The following CDH18 variants were observed in gnomAD, a reference collection of about 807,000 sequenced individuals.
CDH18 encodes cadherin-18.
CDH18 carries 31 observed loss-of-function variants against 67.9 expected under a neutral mutation model. That is an observed-to-expected ratio of 0.46 (90% CI 0.34 to 0.62). The LOEUF (loss-of-function observed/expected upper bound fraction) is 0.62. Ranked by LOEUF, CDH18 falls within the 20% of genes least tolerant of loss-of-function variation. The pLI is 0.01. For synonymous variants in CDH18, 362 were observed against 347.2 expected (o/e 1.04, Z -0.48); for missense variants, 890 against 975.5 (o/e 0.91, Z 1.17).
chr5:20,231,518 G>A, intron 2 of CDH18, among the ~76,000 whole-genome samples: 1 of 151,908 alleles, frequency 6.6e-6, no homozygotes, highest in Admixed American at 6.6e-5. Flanking sequence ...AGAATCTCTT[G>A]AACCCGGGAG....
At chr5:20,363,284 A>G (rs1742238047) in intron 1 of CDH18, among the ~76,000 whole-genome samples, 1 of 152,006 alleles carries the variant, frequency 6.6e-6, no homozygotes, top group Admixed American at 6.6e-5. Flanking sequence ...CAGGAGCTCA[A>G]GACCAGCCTG....
At chr5:19,924,731 A>G (rs1246530700) in intron 2 of CDH18, among the ~76,000 whole-genome samples, 1 of 152,212 alleles carries the variant, frequency 6.6e-6, no homozygotes, top group Non-Finnish European at 1.5e-5. Context: ...GAATTCTATG[A>G]AGTAGACAGG....
intron 2 of CDH18, among the ~76,000 whole-genome samples, chr5:19,907,270 A>G (rs1021881224): frequency 6.6e-6 from 1 of 151,968 alleles, no homozygotes; most frequent in South Asian, 2.1e-4. Flanking sequence ...GTCAAAAATC[A>G]TAGTATAGGT....
At chr5:20,091,545 G>A (rs1487937655) in intron 2 of CDH18, among the ~76,000 whole-genome samples, 2 of 151,954 alleles carry the variant, frequency 1.3e-5, no homozygotes, top group Non-Finnish European at 2.9e-5. Flanking sequence ...ATCTCTAAAA[G>A]CACTTTAAGT....
At chr5:20,573,952 T>TTA (rs200908028) in intron 1 of CDH18, among the ~76,000 whole-genome samples, 3,593 of 145,610 alleles carry the variant, frequency 0.025, 170 homozygotes, top group African/African-American at 0.083. Flanking sequence ...TTTAAGTATT[T>TTA]TATATATATA....
intron 6 of CDH18, among the ~76,000 whole-genome samples, chr5:19,594,831 A>G (rs2150042608): frequency 6.6e-6 from 1 of 152,292 alleles, no homozygotes; most frequent in Middle Eastern, 3.4e-3. Context: ...GCAACTGATA[A>G]CATTATATAC....
At chr5:19,830,100 T>C (rs1780849320) in intron 3 of CDH18, among the ~76,000 whole-genome samples, 1 of 152,176 alleles carries the variant, frequency 6.6e-6, no homozygotes, top group Admixed American at 6.5e-5. Context: ...GAAGATGACC[T>C]AAGAAATATC....
intron 1 of CDH18, among the ~76,000 whole-genome samples, chr5:20,467,998 T>TATTTATG (rs1751771701): frequency 5.9e-5 from 7 of 118,158 alleles, no homozygotes; most frequent in East Asian, 2.5e-4. Flanking sequence ...ATTTATGTAT[T>TATTTATG]TATTTATGTA....
intron 2 of CDH18, among the ~76,000 whole-genome samples, chr5:19,892,418 A>T (rs1788870398): frequency 6.6e-6 from 1 of 152,164 alleles, no homozygotes; most frequent in Admixed American, 6.6e-5. Context: ...GTAGGGCATC[A>T]ACTTTGTAAT....
At chr5:20,340,523 C>T (rs1036465440) in intron 1 of CDH18, among the ~76,000 whole-genome samples, 17 of 152,152 alleles carry the variant, frequency 1.1e-4, no homozygotes, top group African/African-American at 2.7e-4. Flanking sequence ...GTCTCCTTGA[C>T]GCTGTCCAGC....
intron 5 of CDH18, among the ~76,000 whole-genome samples, chr5:19,715,639 A>C (rs949530021): frequency 3.3e-5 from 5 of 152,158 alleles, no homozygotes; most frequent in Non-Finnish European, 7.3e-5. Context: ...GTTTGGAAAG[A>C]ATTTAATCGC....
intron 3 of CDH18, among the ~76,000 whole-genome samples, chr5:19,778,271 C>T (rs753227506): frequency 6.2e-4 from 95 of 152,250 alleles, no homozygotes; most frequent in Admixed American, 4.4e-3. Flanking sequence ...CTTCCCTCCC[C>T]GCAGCCAATA....
upstream of CDH18, among the ~76,000 whole-genome samples, chr5:19,988,772 C>A (rs1419373870): frequency 6.6e-6 from 1 of 152,114 alleles, no homozygotes; most frequent in Non-Finnish European, 1.5e-5. Context: ...ACTGCTGGCT[C>A]ATTCATCAGT....
intron 2 of CDH18, among the ~76,000 whole-genome samples, chr5:20,088,802 A>G (rs1244910685): frequency 6.6e-6 from 1 of 152,206 alleles, no homozygotes; most frequent in Non-Finnish European, 1.5e-5. Context: ...AACAAGGAAC[A>G]TTCAAGAGGT....
Position 20,563,361 on chromosome 5 carries a change from T to G in CDH18, c.-580+12101A>C, listed in dbSNP as rs143218419. On this transcript the variant is annotated intron_variant, in intron 1 of 14. Coordinates refer to the CDH18 transcript ENST00000507958. ...CAATTGTTTCTTGTGTGATCAGCATTTTGAAGCACAGTTTCAAGCTTAACA... is the reference window on the plus strand; with the variant it reads ...CAATTGTTTCTTGTGTGATCAGCATGTTGAAGCACAGTTTCAAGCTTAACA... Among the ~76,000 whole-genome samples, 191 of 152,204 alleles carry G rather than the reference T, an allele frequency of 1.3e-3. 1 individual carries two copies. In the East Asian group the frequency reaches 0.015, roughly 12 times the overall value.
chr5:20,161,296 T>C (rs1039524916), intron 2 of CDH18, among the ~76,000 whole-genome samples: 1 of 152,210 alleles, frequency 6.6e-6, no homozygotes, highest in African/African-American at 2.4e-5. Flanking sequence ...TGGCTCCTTT[T>C]ATGTTGCCTC....
At chr5:20,237,755 C>T (rs1210182243) in intron 2 of CDH18, among the ~76,000 whole-genome samples, 1 of 151,912 alleles carries the variant, frequency 6.6e-6, no homozygotes, top group Non-Finnish European at 1.5e-5. Context: ...ACAGATGCAA[C>T]ACAATTCCAA....
intron 2 of CDH18, among the ~76,000 whole-genome samples, chr5:20,150,049 T>G (rs1750979415): frequency 6.6e-6 from 1 of 152,156 alleles, no homozygotes; most frequent in Admixed American, 6.6e-5. Context: ...AACAACTGTA[T>G]TCTACCTTGC....
chr5:20,341,094 T>A (rs544951668), intron 1 of CDH18, among the ~76,000 whole-genome samples: 1 of 152,276 alleles, frequency 6.6e-6, no homozygotes, highest in South Asian at 2.1e-4. Context: ...TCCCACATCC[T>A]TCCCTAACCA....
Sources: gnomAD v4.1 joint callset for allele counts (sites outside exome capture counted in the v4.1 genomes callset) on GRCh38, gnomAD v4.1.1 for gene constraint, MANE v1.5 for transcripts, NCBI Gene and HGNC (gene_info 2026-07-23, HGNC 2026-07-21) for gene names.